SPMIP4: variants seen among roughly 807,000 people sequenced by gnomAD.
SPMIP4 encodes sperm-associated microtubule inner protein 4.
the SPMIP4 span, among the ~76,000 whole-genome samples, chr7:25,157,557 C>T: frequency 1.0e-3 from 159 of 152,282 alleles, no homozygotes; most frequent in Admixed American, 3.1e-3. Context: ...TGTGGTCTTC[C>T]TTCCACAAAT....
At chr7:25,126,239 C>T in the SPMIP4 span, among the ~76,000 whole-genome samples, 2 of 151,944 alleles carry the variant, frequency 1.3e-5, no homozygotes, top group African/African-American at 4.8e-5. Context: ...GTGTAGTCAC[C>T]CTGTTGTATT....
the SPMIP4 span, among the ~76,000 whole-genome samples, chr7:25,130,724 AG>A: frequency 1.3e-5 from 2 of 152,250 alleles, no homozygotes; most frequent in East Asian, 3.9e-4. Flanking sequence ...CTGAACAAGT[AG>A]GGGGTTAGTT....
At chr7:25,146,700 G>C in the SPMIP4 span, among the ~76,000 whole-genome samples, 1 of 152,220 alleles carries the variant, frequency 6.6e-6, no homozygotes, top group Non-Finnish European at 1.5e-5. Context: ...CCAAGGGTCT[G>C]TCCAAATATT....
the SPMIP4 span, among the ~76,000 whole-genome samples, chr7:25,129,243 A>G: frequency 6.8e-4 from 103 of 152,282 alleles, 2 homozygotes; most frequent in Middle Eastern, 3.4e-3. Flanking sequence ...CTGCCTTTCA[A>G]GTTTATTTGG....
At chr7:25,153,919 T>C in the SPMIP4 span, among the ~76,000 whole-genome samples, 1 of 152,230 alleles carries the variant, frequency 6.6e-6, no homozygotes, top group Non-Finnish European at 1.5e-5. Context: ...GGTACACACA[T>C]ACTGCAGTCA....
the SPMIP4 span, among the ~76,000 whole-genome samples, chr7:25,158,878 T>C: frequency 9.9e-5 from 15 of 151,342 alleles, no homozygotes; most frequent in Admixed American, 8.6e-4. Flanking sequence ...ATAATAATAA[T>C]GATATACCCC....
At chr7:25,141,138 G>C in the SPMIP4 span, among the ~76,000 whole-genome samples, 1 of 152,052 alleles carries the variant, frequency 6.6e-6, no homozygotes, top group African/African-American at 2.4e-5. Context: ...AGGCCATTTC[G>C]CATAATCAAT....
the SPMIP4 span, among the ~76,000 whole-genome samples, chr7:25,147,336 G>T: frequency 1.4e-4 from 21 of 152,146 alleles, 1 homozygote; most frequent in Admixed American, 7.9e-4. Context: ...ATTGGAAAAG[G>T]AAAAGGAATG....
At chr7:25,179,010 C>T in the SPMIP4 span, among the ~76,000 whole-genome samples, 1 of 152,036 alleles carries the variant, frequency 6.6e-6, no homozygotes, top group African/African-American at 2.4e-5. Flanking sequence ...CACTACACTC[C>T]AGCCTGGGCG....
At chr7:25,141,169 C>T in the SPMIP4 span, among the ~76,000 whole-genome samples, 1 of 152,186 alleles carries the variant, frequency 6.6e-6, no homozygotes, top group East Asian at 1.9e-4. Flanking sequence ...CTACTGATAT[C>T]TGCAGAGAAC....
chr7:25,167,195 T>C, the SPMIP4 span, among the ~76,000 whole-genome samples: 1 of 152,220 alleles, frequency 6.6e-6, no homozygotes. Flanking sequence ...CTTAAATTAC[T>C]GAGCAGATAA....
At chr7:25,167,409 C>T in the SPMIP4 span, among the ~76,000 whole-genome samples, 9 of 152,188 alleles carry the variant, frequency 5.9e-5, no homozygotes, top group African/African-American at 1.4e-4. Context: ...TCCATGAGAG[C>T]GTGGGCTTAA....
the SPMIP4 span, chr7:25,168,423 AG>A: frequency 6.2e-6 from 10 of 1,608,052 alleles, no homozygotes; most frequent in Non-Finnish European, 8.5e-6. Context: ...CAGCGCCCCA[AG>A]GAAGCCTACA....
chr7:25,165,054 T>G, the SPMIP4 span, among the ~76,000 whole-genome samples: 2 of 152,182 alleles, frequency 1.3e-5, no homozygotes, highest in African/African-American at 4.8e-5. Flanking sequence ...TCCGTATTTT[T>G]GCAATTGCGA....
the SPMIP4 span, among the ~76,000 whole-genome samples, chr7:25,169,009 T>C: frequency 5.9e-5 from 9 of 151,868 alleles, no homozygotes; most frequent in African/African-American, 2.2e-4. Context: ...ATTACAGGTG[T>C]GAGCCACTGC....
the SPMIP4 span, chr7:25,135,509 C>G: frequency 1.0e-6 from 1 of 985,536 alleles, no homozygotes; most frequent in Non-Finnish European, 1.2e-6. Context: ...GTCTTTTCTA[C>G]CTAATGCTAC....
the SPMIP4 span, among the ~76,000 whole-genome samples, chr7:25,149,710 G>A: frequency 6.6e-6 from 1 of 152,144 alleles, no homozygotes; most frequent in African/African-American, 2.4e-5. Context: ...TCAGATGAGG[G>A]AGATATCATT....
the SPMIP4 span, among the ~76,000 whole-genome samples, chr7:25,178,882 T>A: frequency 6.6e-6 from 1 of 152,044 alleles, no homozygotes; most frequent in African/African-American, 2.4e-5. Flanking sequence ...CTACTAAAAA[T>A]GCAAAAATAT....
chr7:25,136,143 C>G, the SPMIP4 span: 1 of 1,614,150 alleles, frequency 6.2e-7, no homozygotes, highest in Non-Finnish European at 8.5e-7. The surrounding 1 kb of genome is among the most constrained non-coding windows in gnomAD (Gnocchi z 5.7). Context: ...GAGGTTTGGT[C>G]ACTCCAGCTC....
Sources: gnomAD v4.1 joint callset for allele counts (sites outside exome capture counted in the v4.1 genomes callset) on GRCh38, gnomAD v4.1.1 for gene constraint, Gnocchi (gnomAD v3.1) non-coding constraint, MANE v1.5 for transcripts, NCBI Gene and HGNC (gene_info 2026-07-23, HGNC 2026-07-21) for gene names.